The following FHOD3 variants were observed in gnomAD, a reference collection of about 807,000 sequenced individuals.
The protein encoded by FHOD3 is formin homology 2 domain containing 3.
A neutral mutation model predicts 173.0 loss-of-function variants in FHOD3; 90 were observed. The ratio of observed to expected loss-of-function variants is 0.52; its 90% CI spans 0.44 to 0.62. The LOEUF (loss-of-function observed/expected upper bound fraction) is 0.62, where lower values mean the gene tolerates loss of function less well. Among genes scored for constraint, FHOD3 ranks in the 20% least tolerant of loss-of-function variants. The pLI is 0.00. For synonymous variants in FHOD3, 828 were observed against 823.0 expected, an observed-to-expected ratio of 1.01 and a Z score of -0.10; for missense variants, 1,945 against 2,034.7, an observed-to-expected ratio of 0.96 and a Z score of 0.85.
chr18:36,569,825 C>A (rs2058392570), intron 5 of FHOD3, among the ~76,000 whole-genome samples: 1 of 152,030 alleles, frequency 6.6e-6, no homozygotes, highest in Admixed American at 6.6e-5. Flanking sequence ...TCTAAATAAT[C>A]CATGTGTTGA....
intron 10 of FHOD3, 133 bp from the exon 11 acceptor site, chr18:36,649,183 T>C: frequency 1.6e-6 from 1 of 619,216 alleles, no homozygotes; most frequent in Non-Finnish European, 2.7e-6. Context: ...TGGGTGGTTT[T>C]TTTTTTTTAA....
In FHOD3 at chr18:36,653,322, G is replaced by T. The variant is rs568077727; in HGVS notation, c.1647-20G>T. The T allele has an allele frequency of 2.6e-6, 4 of 1,524,316 alleles. No individual in the cohort carries two copies. In the African/African-American group the frequency reaches 5.5e-5, roughly 21 times the overall value. The allele number at this position is 1,524,316 out of a possible 1,614,324, so 94.4% of individuals were successfully genotyped here. ...ATCTTTCCGTGCCACATTGTGAGCG[G>T]GCTTTTCTTCCTTTGACAGTTCCTC... On this transcript the variant is annotated intron_variant, in intron 12 of 28. Transcript: ENST00000590592.
intron 3 of FHOD3, among the ~76,000 whole-genome samples, chr18:36,456,711 C>A (rs541530035): frequency 1.3e-5 from 2 of 152,124 alleles, no homozygotes; most frequent in Non-Finnish European, 2.9e-5. Flanking sequence ...TACTGCCTTC[C>A]TGGTTGAGCT....
intron 17 of FHOD3, among the ~76,000 whole-genome samples, chr18:36,698,861 A>AG (rs1308721336): frequency 2.6e-5 from 4 of 152,328 alleles, no homozygotes; most frequent in South Asian, 4.1e-4. Context: ...TGATGTGAAT[A>AG]GGGCCCAGTA....
At chr18:36,355,484 T>C in intron 1 of FHOD3, 55 bp from the exon 2 acceptor site, 1 of 1,399,746 alleles carries the variant, frequency 7.1e-7, no homozygotes, top group Non-Finnish European at 1.0e-6. Context: ...GATTTCTCCA[T>C]ATGTAGTCTC....
chr18:36,477,850 G>C (rs572885619), intron 3 of FHOD3, among the ~76,000 whole-genome samples: 1 of 152,228 alleles, frequency 6.6e-6, no homozygotes, highest in African/African-American at 2.4e-5. Flanking sequence ...AGGAAGTAAG[G>C]GAGCAAAGAT....
chr18:36,340,530 C>T (rs768977926), intron 1 of FHOD3, among the ~76,000 whole-genome samples: 23 of 151,592 alleles, frequency 1.5e-4, no homozygotes, highest in Non-Finnish European at 3.1e-4. Flanking sequence ...TTCCAGTTGA[C>T]CATGTTCTAC....
intron 5 of FHOD3, among the ~76,000 whole-genome samples, chr18:36,552,057 G>T (rs2076308339): frequency 6.6e-6 from 1 of 152,140 alleles, no homozygotes; most frequent in African/African-American, 2.4e-5. Context: ...GCTTGTTGGG[G>T]ATGGCATTAA....
chr18:36,339,085 C>A (rs1214441483), intron 1 of FHOD3, among the ~76,000 whole-genome samples: 2 of 152,112 alleles, frequency 1.3e-5, no homozygotes, highest in Admixed American at 1.3e-4. Flanking sequence ...CCCCAGGTTC[C>A]TGCATCAGAT....
intron 3 of FHOD3, among the ~76,000 whole-genome samples, chr18:36,378,596 CAAA>C (rs764259858): frequency 0.13 from 14,231 of 111,310 alleles, 917 homozygotes; most frequent in South Asian, 0.36. Flanking sequence ...CCCTCTGCCA[CAAA>C]AAAAAAAAAA....
At chr18:36,549,484 AT>A (rs914808243) in intron 5 of FHOD3, among the ~76,000 whole-genome samples, 2 of 142,254 alleles carry the variant, frequency 1.4e-5, no homozygotes, top group Non-Finnish European at 3.1e-5. Context: ...TCAGTTTATA[AT>A]TTTTTTTCTT....
At chr18:36,541,989 C>T (rs2057240887) in intron 5 of FHOD3, among the ~76,000 whole-genome samples, 1 of 152,274 alleles carries the variant, frequency 6.6e-6, no homozygotes, top group South Asian at 2.1e-4. Flanking sequence ...ATCTAAGGCT[C>T]CCAGGAAATA....
intron 3 of FHOD3, among the ~76,000 whole-genome samples, chr18:36,476,670 A>G (rs1380215383): frequency 6.6e-6 from 1 of 152,236 alleles, no homozygotes; most frequent in Non-Finnish European, 1.5e-5. Context: ...AGCTACTTCA[A>G]AGCAAGTCAT....
rs1187352548 is a variant in FHOD3 at position 36,718,007 on chromosome 18, C to T, written c.2709C>T (p.Ala903=). 4 of 1,610,364 alleles carry T rather than the reference C, an allele frequency of 2.5e-6. No individual in the cohort carries two copies. The highest frequency in any genetic ancestry group is 2.2e-5 in the East Asian group (1 of 44,880). ...GRTQQEAEAV[A]SLATRISTLQ... is the part of the protein sequence containing the mutation. ...CCCAGCAGGAGGCAGAGGCGGTAGC[C>T]AGCCTTGCTACCAGGATATCCACCC... is the stretch of plus-strand genomic sequence containing the variant. The change falls in exon 19 of 29, where the codon GCC becomes GCT. Residue 903 remains alanine, a synonymous_variant. Coordinates refer to ENST00000590592, the MANE Select transcript of FHOD3 (RefSeq NM_001281740.3).
intron 10 of FHOD3, among the ~76,000 whole-genome samples, chr18:36,634,572 T>C (rs189128551): frequency 6.6e-6 from 1 of 152,218 alleles, no homozygotes; most frequent in East Asian, 1.9e-4. Context: ...TGGGGTGTTA[T>C]ATGACGTTAA....
intron 3 of FHOD3, among the ~76,000 whole-genome samples, chr18:36,428,386 A>G (rs756477926): frequency 2.0e-5 from 3 of 152,142 alleles, no homozygotes; most frequent in Non-Finnish European, 4.4e-5. Context: ...AAATTGCAAA[A>G]TGCCCCCTTC....
At chr18:36,594,446 C>T (rs550265195) in intron 6 of FHOD3, among the ~76,000 whole-genome samples, 9 of 152,102 alleles carry the variant, frequency 5.9e-5, no homozygotes, top group African/African-American at 1.2e-4. Context: ...TGGGGTAAAA[C>T]GAAGACGTAA....
chr18:36,572,833 G>T (rs780669159), intron 5 of FHOD3, among the ~76,000 whole-genome samples: 1 of 152,076 alleles, frequency 6.6e-6, no homozygotes, highest in Non-Finnish European at 1.5e-5. Flanking sequence ...TCCCTGTGTG[G>T]TTAGCTGATT....
In FHOD3 at chr18:36,480,370, T is replaced by A. The variant is rs749106310; in HGVS notation, c.338-21562T>A. ...TGCACACATACAGGGAGATGGTCATTGTCCAATATCCATCTAAAGTTTCGC... is the reference window on the plus strand; with the variant it reads ...TGCACACATACAGGGAGATGGTCATAGTCCAATATCCATCTAAAGTTTCGC... On this transcript the variant is annotated intron_variant, in intron 3 of 28. Coordinates refer to ENST00000590592, the MANE Select transcript of FHOD3 (RefSeq NM_001281740.3). Among the ~76,000 whole-genome samples, 87 of 152,200 alleles carry A rather than the reference T, an allele frequency of 5.7e-4. 1 individual carries two copies. Among genetic ancestry groups the A allele is most frequent in the Admixed American group, 7.9e-4 (12 of 15,280 alleles).
Sources: allele counts gnomAD v4.1 joint callset (sites outside exome capture counted in the v4.1 genomes callset), GRCh38; gene constraint gnomAD v4.1.1; transcripts MANE v1.5; gene names NCBI Gene and HGNC (gene_info 2026-07-23, HGNC 2026-07-21).